The following SHOX2 variants were observed in gnomAD, a reference collection of about 807,000 sequenced individuals.
The protein encoded by SHOX2 is short stature homeobox protein 2.
Under a neutral mutation model 31.3 loss-of-function variants are expected in SHOX2, and 13 were observed. That is an observed-to-expected ratio of 0.42 (90% CI 0.27 to 0.66). SHOX2 has a LOEUF of 0.66. Among genes scored for constraint, SHOX2 ranks in the 30% least tolerant of loss-of-function variants. SHOX2 has a pLI of 0.27. For synonymous variants in SHOX2, 244 were observed against 196.2 expected, an observed-to-expected ratio of 1.24 and a Z score of -2.04; for missense variants, 473 against 443.0, an observed-to-expected ratio of 1.07 and a Z score of -0.61.
Position 158,105,795 on chromosome 3 carries a change from C to A in SHOX2, c.230G>T (p.Gly77Val). The change falls in exon 1 of 5, where the codon GGT becomes GTT. Residue 77 changes from glycine to valine, a missense_variant. Coordinates refer to ENST00000483851, the MANE Select transcript of SHOX2 (RefSeq NM_001163678.2). ...TCCGCCTGCTCCTCCTCCTCCTACACCTCCTCCGCCTCCTCCGCCGCCGCC... is the reference window on the plus strand; with the variant it reads ...TCCGCCTGCTCCTCCTCCTCCTACAACTCCTCCGCCTCCTCCGCCGCCGCC... Reference protein sequence around the residue: ...GGGGGGGGGGGVGGGGAGGGA... With the variant: ...GGGGGGGGGGVVGGGGAGGGA... 4.1e-6 allele frequency: 6 copies of A among 1,479,412 alleles called. No individual in the cohort carries two copies. In the Admixed American group the frequency reaches 8.1e-5, roughly 20 times the overall value. The allele number at this position is 1,479,412 out of a possible 1,614,324, so 91.6% of individuals were successfully genotyped here.
rs1713599286 is a variant in SHOX2 at position 158,102,916 on chromosome 3, G to A, written c.347-30C>T. On this transcript the variant is annotated intron_variant, in intron 1 of 4. Coordinates refer to ENST00000483851, the MANE Select transcript of SHOX2 (RefSeq NM_001163678.2). ...AGGGGGCACCCCAGCGGGGCCACAC[G>A]TGCATCCACACGAACACACACACAC... The A allele has an allele frequency of 8.8e-6, 14 of 1,587,520 alleles. No individual in the cohort carries two copies. In the East Asian group the frequency reaches 2.7e-4, roughly 30 times the overall value.
At chr3:158,102,987 A>AG in intron 1 of SHOX2, 101 bp from the exon 2 acceptor site, 1 of 1,126,032 alleles carries the variant, frequency 8.9e-7, no homozygotes, top group Non-Finnish European at 1.3e-6. Flanking sequence ...TCCTGTTACC[A>AG]GATTTGTCGC....
chr3:158,100,333 A>G (rs777214967), intron 2 of SHOX2, 22 bp from the exon 3 acceptor site: 26 of 1,568,760 alleles, frequency 1.7e-5, no homozygotes, highest in Non-Finnish European at 2.1e-5. Context: ...AGGGGGAAAA[A>G]AAATAAAACC....
At position 158,098,288 on chromosome 3, in the gene SHOX2, A is replaced by C; in HGVS notation, c.703-4T>G. The C allele has an allele frequency of 6.2e-7, 1 of 1,613,408 alleles. No individual in the cohort carries two copies. The highest frequency in any genetic ancestry group is 8.5e-7 in the Non-Finnish European group (1 of 1,179,628). On this transcript the variant is annotated splice_polypyrimidine_tract_variant and splice_region_variant and intron_variant, in intron 4 of 4. Coordinates refer to ENST00000483851, the MANE Select transcript of SHOX2 (RefSeq NM_001163678.2). The stretch of plus-strand genomic sequence containing the variant: ...CCAGCTGCAGCTGCGCCTGAACCTG[A>C]AAGGACAAGGGCGTCACGTTGCAAT...
chr3:158,105,034 C>CCA, intron 1 of SHOX2: 1 of 126,178 alleles, frequency 7.9e-6, no homozygotes, highest in South Asian at 4.8e-5. Flanking sequence ...CCCCCGCCGC[C>CCA]CCCCCCCCCC....
rs762162461 is a variant in SHOX2, at chr3:158,105,928, G to A, written c.97C>T (p.Pro33Ser). The change falls in exon 1 of 5, where the codon CCG (proline) becomes TCG (serine). Residue 33 changes from proline to serine, a missense_variant. Physicochemically the swap from Pro to Ser is moderately conservative, Grantham distance 74. Transcript: ENST00000483851. ...GTCGGCTCCTTGGCCCCGCGCAGCG[G>A]CCCGCTCTCCAGCACCTCCCGGTAC... The part of the protein sequence containing the change: ...ITYREVLESG[P>S]LRGAKEPTGC... 6.2e-7 allele frequency: 1 copy of A among 1,606,220 alleles called. No homozygotes were observed. The highest frequency in any genetic ancestry group is 8.5e-7 in the Non-Finnish European group (1 of 1,176,876).
At chr3:158,102,630 C>T (rs761315560) in intron 2 of SHOX2, 48 bp downstream of exon 2, 3 of 1,534,342 alleles carry the variant, frequency 2.0e-6, no homozygotes, top group Non-Finnish European at 2.7e-6. Flanking sequence ...TTTCCAACCC[C>T]AGGCTCTCTC....
rs1220774583 is a variant in SHOX2 at position 158,106,302 on chromosome 3, A to G, written c.-278T>C. 8.9e-6 allele frequency: 4 copies of G among 451,976 alleles called. No homozygotes were observed. Among genetic ancestry groups the G allele is most frequent in the East Asian group, 5.2e-5 (1 of 19,074 alleles). 28.0% of individuals were successfully genotyped at this position (451,976 alleles called of 1,614,324 possible). A position where few individuals can be genotyped will look rare whatever the true frequency, so the allele number is the denominator to read the frequency against. Reference sequence around the variant, plus strand: ...AGAGGAGAGGGAGGAGGAGGAGGAGAAGAGAAGGGGCGGGGGCTGCCGGAG... The same window carrying G: ...AGAGGAGAGGGAGGAGGAGGAGGAGGAGAGAAGGGGCGGGGGCTGCCGGAG... On this transcript the variant is annotated 5_prime_UTR_variant, in exon 1 of 5. Transcript: ENST00000483851.
Position 158,096,887 on chromosome 3 carries a change from CAAATATATATATATATATAT to C in SHOX2, c.*1120_*1139del, listed in dbSNP as rs1332994424. ...TTGTTCCCCAGGATCAAAGACAGGG[CAAATATATATATATATATAT>C]ATATATATATATATATATATATATG... On this transcript the variant is annotated 3_prime_UTR_variant, in exon 5 of 5. Coordinates refer to ENST00000483851, the MANE Select transcript of SHOX2 (RefSeq NM_001163678.2). 2.7e-4 allele frequency: 4 copies of C among 14,982 alleles called. No individual in the cohort carries two copies. Among genetic ancestry groups the C allele is most frequent in the African/African-American group, 1.0e-3 (4 of 3,974 alleles). 0.9% of individuals were successfully genotyped at this position (14,982 alleles called of 1,614,324 possible).
In SHOX2 at chr3:158,098,022, T is replaced by TGGCGTC. The variant is rs1235698688; in HGVS notation, c.959_*4dup. 6.3e-7 allele frequency: 1 copy of TGGCGTC among 1,583,944 alleles called. No individual in the cohort carries two copies. The highest frequency in any genetic ancestry group is 8.6e-7 in the Non-Finnish European group (1 of 1,162,984). On this transcript the variant is annotated 3_prime_UTR_variant, in exon 5 of 5. Coordinates refer to ENST00000483851, the MANE Select transcript of SHOX2 (RefSeq NM_001163678.2). ...ACAGGCGCGACATTGGTGCTGGCGT[T>TGGCGTC]GGCGTCACAGACCCAGGGCTGCGGC...
At position 158,106,143 on chromosome 3, in the gene SHOX2, TG is replaced by T; in HGVS notation, c.-120del. 1 of 1,477,074 alleles carries T rather than the reference TG, an allele frequency of 6.8e-7. No individual in the cohort carries two copies. Among genetic ancestry groups the T allele is most frequent in the Non-Finnish European group, 9.1e-7 (1 of 1,104,312 alleles). The allele number at this position is 1,477,074 out of a possible 1,614,324, so 91.5% of individuals were successfully genotyped here. ...AATAACACATCAATGGGACAGGAGGTGGGGGAGGAGAGGGAGGAGGAGAAAG... is the reference window on the plus strand; with the variant it reads ...AATAACACATCAATGGGACAGGAGGTGGGGAGGAGAGGGAGGAGGAGAAAG... On this transcript the variant is annotated 5_prime_UTR_variant, in exon 1 of 5. Coordinates refer to ENST00000483851, the MANE Select transcript of SHOX2 (RefSeq NM_001163678.2).
chr3:158,102,687 G>C lies in SHOX2; in HGVS notation c.546C>G (p.Ala182=). Reference sequence around the variant, plus strand: ...CCTGGCAGCTGGGTACCTGCACTCGGGCCTCCGACAGGCCCAGTCGCTGGC... The same window carrying C: ...CCTGGCAGCTGGGTACCTGCACTCGCGCCTCCGACAGGCCCAGTCGCTGGC... ...ELSQRLGLSE[A]RVQVWFQNRR... Residue 182 remains alanine, a synonymous_variant, in exon 2 of 5, where the codon GCC becomes GCG. Coordinates refer to ENST00000483851, the MANE Select transcript of SHOX2 (RefSeq NM_001163678.2). The C allele has an allele frequency of 6.2e-7, 1 of 1,613,970 alleles. No individual in the cohort carries two copies. Among genetic ancestry groups the C allele is most frequent in the African/African-American group, 1.3e-5 (1 of 74,994 alleles).
At position 158,106,396 on chromosome 3, in the gene SHOX2, C is replaced by T. The variant is rs1713941617; in HGVS notation, c.-372G>A. 2 of 272,626 alleles carry T rather than the reference C, an allele frequency of 7.3e-6. No individual in the cohort carries two copies. The highest frequency in any genetic ancestry group is 1.4e-5 in the Non-Finnish European group (2 of 143,548). 16.9% of individuals were successfully genotyped at this position (272,626 alleles called of 1,614,324 possible). On this transcript the variant is annotated 5_prime_UTR_variant, in exon 1 of 5. Coordinates refer to ENST00000483851, the MANE Select transcript of SHOX2 (RefSeq NM_001163678.2). ...ATGTTAAGATCTTTGACAATTCTTC[C>T]TGCGGAGAGTTCAGATCTGATAGCG...
intron 1 of SHOX2, chr3:158,105,265 C>A: frequency 1.5e-6 from 1 of 649,270 alleles, no homozygotes; most frequent in Non-Finnish European, 2.8e-6. Context: ...CTTCTCCCTC[C>A]CGGCAAACTC....
chr3:158,105,728 C>T lies in SHOX2; in HGVS notation c.297G>A (p.Met99Ile), dbSNP rs1282203608. 1.3e-6 allele frequency: 2 copies of T among 1,526,564 alleles called. No homozygotes were observed. Among genetic ancestry groups the T allele is most frequent in the Non-Finnish European group, 1.8e-6 (2 of 1,137,992 alleles). 94.6% of individuals were successfully genotyped at this position (1,526,564 alleles called of 1,614,324 possible). ...GCTCCCTGCTTCTCTCGGCGGCGCC[C>T]ATGTCCAGCTCCCGGACGGGAGAGC... is the stretch of plus-strand genomic sequence containing the variant. ...GGRSPVRELD[M>I]GAAERSREPG... Residue 99 changes from methionine to isoleucine, a missense_variant, in exon 1 of 5, where the codon ATG becomes ATA. Met to Ile is a conservative substitution (Grantham distance 10). Transcript: ENST00000483851.
rs912201982 is a variant in SHOX2 at position 158,097,943 on chromosome 3, G to C, written c.*84C>G. The C allele has an allele frequency of 1.3e-6, 2 of 1,502,066 alleles. No homozygotes were observed. The highest frequency in any genetic ancestry group is 1.8e-6 in the Non-Finnish European group (2 of 1,121,698). 93.0% of individuals were successfully genotyped at this position (1,502,066 alleles called of 1,614,324 possible). On this transcript the variant is annotated 3_prime_UTR_variant, in exon 5 of 5. Coordinates refer to ENST00000483851, the MANE Select transcript of SHOX2 (RefSeq NM_001163678.2). The stretch of plus-strand genomic sequence containing the variant: ...GAGGGCCGGCTCCCGAGGTCTCAAA[G>C]GGGTAACGGAGAAGCAGCGGGGCGC...
Position 158,105,706 on chromosome 3 carries a change from C to T in SHOX2, c.319G>A (p.Glu107Lys). 6.6e-7 allele frequency: 1 copy of T among 1,523,638 alleles called. No homozygotes were observed. Among genetic ancestry groups the T allele is most frequent in the Non-Finnish European group, 8.8e-7 (1 of 1,137,022 alleles). 94.4% of individuals were successfully genotyped at this position (1,523,638 alleles called of 1,614,324 possible). ...LDMGAAERSR[E>K]PGSPRLTEVS... ...TCCGTCAGTCGCGGGCTGCCCGGCTCCCTGCTTCTCTCGGCGGCGCCCATG... is the reference window on the plus strand; with the variant it reads ...TCCGTCAGTCGCGGGCTGCCCGGCTTCCTGCTTCTCTCGGCGGCGCCCATG... The change falls in exon 1 of 5, where the codon GAG becomes AAG. Residue 107 changes from glutamate (E) to lysine (K), a missense_variant. Glu to Lys is a moderately conservative substitution (Grantham distance 56, BLOSUM62 1). This residue lies in a region of SHOX2 where 276 missense variants were observed against 230.0 expected (regional missense o/e 1.20). Coordinates refer to ENST00000483851, the MANE Select transcript of SHOX2 (RefSeq NM_001163678.2).
Position 158,101,473 on chromosome 3 carries a change from G to T in SHOX2, c.556-1162C>A, listed in dbSNP as rs544728351. ...GTTTTTAAGGGGTTGCTGAGCCTCT[G>T]GAGATCTCAGTGCACAGAGCGAAGC... is the stretch of plus-strand genomic sequence containing the variant. On this transcript the variant is annotated intron_variant, in intron 2 of 4. Transcript: ENST00000483851. Among the ~76,000 whole-genome samples, 21 of 152,304 alleles carry T rather than the reference G, an allele frequency of 1.4e-4. No individual in the cohort carries two copies. In the South Asian group the frequency reaches 2.1e-3, roughly 15 times the overall value.
chr3:158,103,240 T>G, intron 1 of SHOX2: 1 of 362,548 alleles, frequency 2.8e-6, no homozygotes, highest in Non-Finnish European at 5.3e-6. Context: ...CGCACTCACT[T>G]GCTCCGCAGC....
Sources: gnomAD v4.1 joint callset for allele counts (sites outside exome capture counted in the v4.1 genomes callset) on GRCh38, gnomAD v4.1.1 for gene constraint, gnomAD v4.1.1 regional missense constraint, MANE v1.5 for transcripts, NCBI Gene and HGNC (gene_info 2026-07-23, HGNC 2026-07-21) for gene names.